The following PCCA variants were observed in gnomAD, a reference collection of about 807,000 sequenced individuals.
The protein encoded by PCCA is propionyl-CoA carboxylase subunit alpha.
PCCA carries 74 observed loss-of-function variants against 101.3 expected under a neutral mutation model. That is an observed-to-expected ratio of 0.73 (90% confidence interval 0.61 to 0.89). PCCA has a LOEUF of 0.89. Among genes scored for constraint, PCCA ranks in the 40% least tolerant of loss-of-function variants. The pLI is 0.00. For synonymous variants in PCCA, 294 were observed against 313.6 expected (o/e 0.94, Z 0.66); for missense variants, 891 against 907.0 (o/e 0.98, Z 0.23).
intron 1 of PCCA, among the ~76,000 whole-genome samples, chr13:100,099,268 T>C (rs1335508069): frequency 6.6e-6 from 1 of 152,020 alleles, no homozygotes; most frequent in Non-Finnish European, 1.5e-5. Context: ...CAGTTTTAAC[T>C]GCCACGTGAG....
At chr13:100,519,709 G>C (rs1460032280) in intron 22 of PCCA, among the ~76,000 whole-genome samples, 1 of 152,220 alleles carries the variant, frequency 6.6e-6, no homozygotes, top group East Asian at 1.9e-4. Context: ...CGACCATACA[G>C]AACTGGCAAA....
At chr13:100,329,981 C>T (rs889416251) in intron 16 of PCCA, among the ~76,000 whole-genome samples, 13 of 152,156 alleles carry the variant, frequency 8.5e-5, no homozygotes, top group Admixed American at 5.9e-4. Context: ...CCCAACTGCA[C>T]GTCACATAAC....
At chr13:100,506,994 T>C (rs2086133145) in intron 21 of PCCA, among the ~76,000 whole-genome samples, 2 of 152,216 alleles carry the variant, frequency 1.3e-5, no homozygotes, top group South Asian at 4.1e-4. Context: ...ACCTTATAAA[T>C]TCGTAATTAC....
chr13:100,127,526 G>T (rs1269669082), intron 4 of PCCA, among the ~76,000 whole-genome samples: 2 of 152,100 alleles, frequency 1.3e-5, no homozygotes, highest in African/African-American at 2.4e-5. Flanking sequence ...CCTAATCATG[G>T]ATTTATTTTT....
chr13:100,490,283 T>C (rs1205090835), intron 21 of PCCA: 2 of 152,254 alleles, frequency 1.3e-5, no homozygotes, highest in Non-Finnish European at 2.9e-5. Flanking sequence ...GCCTTTGGTA[T>C]ATTACTGTAC....
At chr13:100,151,366 C>A (rs111285261) in intron 4 of PCCA, among the ~76,000 whole-genome samples, 5 of 152,132 alleles carry the variant, frequency 3.3e-5, no homozygotes, top group African/African-American at 1.2e-4. Context: ...CTGAGGTAGG[C>A]GGATCACCTG....
At chr13:100,292,909 G>T (rs1392992651) in intron 12 of PCCA, among the ~76,000 whole-genome samples, 1 of 145,330 alleles carries the variant, frequency 6.9e-6, no homozygotes, top group Non-Finnish European at 1.5e-5. Context: ...TTAATATTAG[G>T]ACCCTGAATA....
rs557316418 is a variant in PCCA, at chr13:100,188,593, C to T, written c.469-20739C>T. On this transcript the variant is annotated intron_variant, in intron 6 of 23. Coordinates refer to ENST00000376285, the MANE Select transcript of PCCA (RefSeq NM_000282.4). ...ACACCCAATAATGGGATTGCTGGAT[C>T]ACATGGTAGTTCTACTTTTAGTTCT... Among the ~76,000 whole-genome samples, 3 of 152,316 alleles carry T rather than the reference C, an allele frequency of 2.0e-5. No individual in the cohort carries two copies. In the South Asian group the frequency reaches 6.2e-4, roughly 32 times the overall value.
intron 19 of PCCA, among the ~76,000 whole-genome samples, chr13:100,411,764 G>A (rs1360207819): frequency 6.6e-6 from 1 of 152,146 alleles, no homozygotes; most frequent in African/African-American, 2.4e-5. Flanking sequence ...CAGAGGGAGA[G>A]GAAGCAGCTC....
At chr13:100,150,415 A>G (rs1209940162) in intron 4 of PCCA, 9 of 391,204 alleles carry the variant, frequency 2.3e-5, no homozygotes, top group Non-Finnish European at 2.9e-5. Context: ...TTATCATTGT[A>G]TATGTTTATT....
intron 6 of PCCA, among the ~76,000 whole-genome samples, chr13:100,195,281 C>T (rs1037250675): frequency 3.3e-5 from 5 of 151,980 alleles, no homozygotes; most frequent in African/African-American, 1.2e-4. Context: ...TTAAAAGATA[C>T]ATCTAAAAGA....
intron 21 of PCCA, among the ~76,000 whole-genome samples, chr13:100,484,925 T>C (rs2084252048): frequency 7.2e-6 from 1 of 138,590 alleles, no homozygotes; most frequent in African/African-American, 2.8e-5. Context: ...CCCTGTTTGA[T>C]GCACTGATAG....
chr13:100,454,907 ATAT>A (rs762296891), intron 21 of PCCA, among the ~76,000 whole-genome samples: 1 of 152,122 alleles, frequency 6.6e-6, no homozygotes, highest in African/African-American at 2.4e-5. Flanking sequence ...CTTGTATTAG[ATAT>A]TATATATATG....
intron 7 of PCCA, among the ~76,000 whole-genome samples, chr13:100,228,041 G>A (rs535708432): frequency 3.3e-4 from 50 of 151,744 alleles, no homozygotes; most frequent in African/African-American, 1.1e-3. Context: ...TTCCAGACAG[G>A]GTCTTGCTCT....
intron 6 of PCCA, chr13:100,161,642 A>G (rs1016192003): frequency 4.0e-5 from 6 of 148,416 alleles, no homozygotes; most frequent in Non-Finnish European, 7.4e-5. Context: ...ATGATACTCT[A>G]CTCATTCATA....
chr13:100,481,369 G>A (rs1043227859), intron 21 of PCCA, among the ~76,000 whole-genome samples: 1 of 152,002 alleles, frequency 6.6e-6, no homozygotes, highest in Non-Finnish European at 1.5e-5. Context: ...ACTAGCCTGG[G>A]CAACATGGCA....
chr13:100,160,138 A>T (rs1018541147), intron 6 of PCCA, among the ~76,000 whole-genome samples: 1 of 152,184 alleles, frequency 6.6e-6, no homozygotes, highest in African/African-American at 2.4e-5. Context: ...TACAAGACTG[A>T]TAATTTTTTA....
chr13:100,470,029 G>A lies in PCCA; in HGVS notation c.1899+20724G>A, dbSNP rs551236645. ...GACCATCCCTCTGACAGACAACACA[G>A]TGGTTGCGGAGCACCTGGGGAAGTA... On this transcript the variant is annotated intron_variant, in intron 21 of 23. Transcript: ENST00000376285. 5.9e-5 allele frequency among the ~76,000 whole-genome samples: 9 copies of A among 152,312 alleles called. No homozygotes were observed. The East Asian group carries it at 1.7e-3, about 29-fold the overall frequency.
chr13:100,162,482 C>T (rs1028122658), intron 6 of PCCA, among the ~76,000 whole-genome samples: 8 of 152,056 alleles, frequency 5.3e-5, no homozygotes, highest in Admixed American at 2.6e-4. Context: ...TGGGCTGGGC[C>T]GTTAGTGGTA....
Sources: gnomAD v4.1 joint callset for allele counts (sites outside exome capture counted in the v4.1 genomes callset) on GRCh38, gnomAD v4.1.1 for gene constraint, MANE v1.5 for transcripts, NCBI Gene and HGNC (gene_info 2026-07-23, HGNC 2026-07-21) for gene names.